The following CASZ1 variants were observed in gnomAD, a reference collection of about 807,000 sequenced individuals.
The protein encoded by CASZ1 is castor zinc finger 1.
CASZ1 carries 28 observed loss-of-function variants against 135.2 expected under a neutral mutation model. That is an observed-to-expected ratio of 0.21 (90% CI 0.15 to 0.28). The LOEUF (loss-of-function observed/expected upper bound fraction) is 0.28, where lower values mean the gene tolerates loss of function less well. Among genes scored for constraint, CASZ1 ranks in the 10% least tolerant of loss-of-function variants. CASZ1 has a pLI of 1.00. For missense variants in CASZ1, 2,161 were observed against 2,453.3 expected (o/e 0.88, Z 2.52); for synonymous variants, 1,068 against 1,073.4 (o/e 0.99, Z 0.10).
Position 10,699,992 on chromosome 1 carries a change from CAGAG to C in CASZ1, c.-24+5496_-24+5499del, listed in dbSNP as rs906148393. On this transcript the variant is annotated intron_variant, in intron 3 of 20. Coordinates refer to ENST00000377022, the MANE Select transcript of CASZ1 (RefSeq NM_001079843.3). The surrounding 1 kb of genome is among the most constrained non-coding windows in gnomAD (Gnocchi z 4.6). ...ACAGAGAGAGAGAAAGAGAGACAGG[CAGAG>C]AGAGAGAGAGAAACAGAGACAGAGA... 6.2e-5 allele frequency among the ~76,000 whole-genome samples: 9 copies of C among 146,310 alleles called. No individual in the cohort carries two copies. The South Asian group carries it at 1.5e-3, about 25-fold the overall frequency.
intron 10 of CASZ1, 57 bp from the exon 11 acceptor site, chr1:10,654,275 A>C: frequency 6.3e-7 from 1 of 1,581,428 alleles, no homozygotes; most frequent in Middle Eastern, 1.7e-4. Context: ...ACCCTGCTAC[A>C]CCATGGCCCT....
At position 10,700,944 on chromosome 1, in the gene CASZ1, G is replaced by A. The variant is rs933236493; in HGVS notation, c.-24+4548C>T. 5.3e-5 allele frequency among the ~76,000 whole-genome samples: 8 copies of A among 152,162 alleles called. No homozygotes were observed. Among genetic ancestry groups the A allele is most frequent in the Non-Finnish European group, 1.2e-4 (8 of 68,014 alleles). On this transcript the variant is annotated intron_variant, in intron 3 of 20. Coordinates refer to ENST00000377022, the MANE Select transcript of CASZ1 (RefSeq NM_001079843.3). This position sits in a 1 kb window ranked among gnomAD's most constrained non-coding sequence, Gnocchi z 4.2. ...ATAAAGCGGTTATTAAAAAGTGGGG[G>A]AAAGACGGGGGATCATATTAGCACT...
At position 10,679,365 on chromosome 1, in the gene CASZ1, C is replaced by T. The variant is rs1435815264; in HGVS notation, c.17-13794G>A. Among the ~76,000 whole-genome samples, 5 of 152,194 alleles carry T rather than the reference C, an allele frequency of 3.3e-5. No individual in the cohort carries two copies. The highest frequency in any genetic ancestry group is 4.1e-4 in the South Asian group (2 of 4,834). ...CAGCAGGCGGAAACACTCCCAACCC[C>T]GGACTTAGGCCCCTGTCAGAATAGA... On this transcript the variant is annotated intron_variant, in intron 4 of 20. Coordinates refer to ENST00000377022, the MANE Select transcript of CASZ1 (RefSeq NM_001079843.3). The surrounding 1 kb of genome is among the most constrained non-coding windows in gnomAD (Gnocchi z 4.7).
intron 4 of CASZ1, among the ~76,000 whole-genome samples, chr1:10,668,286 T>C (rs1362425669): frequency 2.0e-5 from 3 of 152,190 alleles, no homozygotes; most frequent in Admixed American, 6.5e-5. Flanking sequence ...CTCCTGTCCA[T>C]GTAAACATTC....
intron 5 of CASZ1, among the ~76,000 whole-genome samples, chr1:10,662,130 C>T (rs1279227389): frequency 6.6e-6 from 1 of 151,754 alleles, no homozygotes; most frequent in African/African-American, 2.4e-5. Flanking sequence ...CGCACACATG[C>T]ATTCGCATAC....
At chr1:10,653,315 G>A in intron 11 of CASZ1, 62 bp downstream of exon 11, 2 of 1,545,870 alleles carry the variant, frequency 1.3e-6, no homozygotes, top group Non-Finnish European at 1.8e-6. Flanking sequence ...TGCAGCCTGA[G>A]GCCAGGTGGC....
chr1:10,651,101 C>T (rs566386592), intron 11 of CASZ1, 25 bp from the exon 12 acceptor site: 58 of 1,472,570 alleles, frequency 3.9e-5, no homozygotes, highest in Middle Eastern at 2.2e-4. Flanking sequence ...TGGGAAGATG[C>T]GTCAGAGGGG....
rs778342496 is a variant in CASZ1, at chr1:10,650,751, C to T, written c.2821G>A (p.Glu941Lys). 124 of 1,613,900 alleles carry T rather than the reference C, an allele frequency of 7.7e-5. No individual in the cohort carries two copies. The highest frequency in any genetic ancestry group is 1.6e-4 in the Middle Eastern group (1 of 6,084). ...GCCGGGACTGCGTGGCCATTTGATT[C>T]GTTGCTAGAACACACAAACCAAGGG... ...LDLTVKEPSNESNGHAVPANS... is the reference protein window; with the variant it reads ...LDLTVKEPSNKSNGHAVPANS... Residue 941 changes from glutamate (E) to lysine (K), a missense_variant, in exon 13 of 21, where the codon GAA (glutamate) becomes AAA (lysine). Glu to Lys is a moderately conservative substitution (Grantham distance 56). This residue lies in a region of CASZ1 where 406 missense variants were observed against 387.6 expected (regional missense o/e 1.05). Coordinates refer to ENST00000377022, the MANE Select transcript of CASZ1 (RefSeq NM_001079843.3).
In CASZ1 at chr1:10,725,730, T is replaced by A. The variant is rs978543570; in HGVS notation, c.-76-20186A>T. Among the ~76,000 whole-genome samples the A allele has an allele frequency of 1.3e-5, 2 of 151,362 alleles. No individual in the cohort carries two copies. Among genetic ancestry groups the A allele is most frequent in the South Asian group, 2.1e-4 (1 of 4,768 alleles). On this transcript the variant is annotated intron_variant, in intron 2 of 20. Coordinates refer to ENST00000377022, the MANE Select transcript of CASZ1 (RefSeq NM_001079843.3). The surrounding 1 kb of genome is among the most constrained non-coding windows in gnomAD (Gnocchi z 4.4). ...TTCTGGAAAGCCCTTTTTTTTTTTT[T>A]ACTAGGAGACCCCAGAGAGGATGAT...
intron 1 of CASZ1, among the ~76,000 whole-genome samples, chr1:10,795,816 A>G (rs964796726): frequency 3.9e-5 from 6 of 152,064 alleles, no homozygotes; most frequent in African/African-American, 7.2e-5. Context: ...CGCTCCCCCC[A>G]TCTAAGAAAT....
At chr1:10,728,444 A>G (rs1003139976) in intron 2 of CASZ1, among the ~76,000 whole-genome samples, 1 of 152,224 alleles carries the variant, frequency 6.6e-6, no homozygotes, top group Non-Finnish European at 1.5e-5. Flanking sequence ...CCCTCCGGTC[A>G]CCAGGACAAT....
intron 1 of CASZ1, among the ~76,000 whole-genome samples, chr1:10,770,093 T>C (rs1640548366): frequency 6.6e-6 from 1 of 152,126 alleles, no homozygotes; most frequent in East Asian, 1.9e-4. Context: ...TTTCTTTTCT[T>C]TCTTTTTTTG....
intron 1 of CASZ1, among the ~76,000 whole-genome samples, chr1:10,785,919 C>T (rs1051505353): frequency 1.2e-4 from 19 of 152,234 alleles, no homozygotes; most frequent in Admixed American, 9.2e-4. Flanking sequence ...GTCCACGTGA[C>T]GGGAATTCCA....
chr1:10,646,087 GC>G lies in CASZ1; in HGVS notation c.3696+40del. ...CCCTGAGCTAGCCCTGCACCTCCCT[GC>G]CCCCTACTCTGCCCCTGCGCCGTGT... On this transcript the variant is annotated intron_variant, in intron 17 of 20. Transcript: ENST00000377022. The surrounding 1 kb of genome is among the most constrained non-coding windows in gnomAD (Gnocchi z 6.4). The G allele has an allele frequency of 6.3e-7, 1 of 1,594,830 alleles. No individual in the cohort carries two copies.
chr1:10,703,917 G>C (rs1270252700), intron 3 of CASZ1, among the ~76,000 whole-genome samples: 1 of 152,224 alleles, frequency 6.6e-6, no homozygotes, highest in Non-Finnish European at 1.5e-5. Context: ...GTGGGTCAAA[G>C]GGCTCTGCCA....
At position 10,638,803 on chromosome 1, in the gene CASZ1, C is replaced by A; in HGVS notation, c.*139G>T. ...CGGCCGCGGAGCACCAGAGGGGTCC[C>A]CGCCTCTGTCCTGAGACGGACTCGG... On this transcript the variant is annotated 3_prime_UTR_variant, in exon 21 of 21. Coordinates refer to ENST00000377022, the MANE Select transcript of CASZ1 (RefSeq NM_001079843.3). This position sits in a 1 kb window ranked among gnomAD's most constrained non-coding sequence, Gnocchi z 5.9. 1 of 867,844 alleles carries A rather than the reference C, an allele frequency of 1.2e-6. No individual in the cohort carries two copies. Among genetic ancestry groups the A allele is most frequent in the Non-Finnish European group, 1.4e-6 (1 of 723,062 alleles). The allele number at this position is 867,844 out of a possible 1,614,324, so 53.8% of individuals were successfully genotyped here. A position where few individuals can be genotyped will look rare whatever the true frequency, so the allele number is the denominator to read the frequency against.
rs1642252807 is a variant in CASZ1 at position 10,642,897 on chromosome 1, C to T, written c.4124G>A (p.Cys1375Tyr). ...CTCGTTACCCACGGGGGTGCTGGAG[C>T]AGCTCCGGTCCATGGTGGATGACTC... ...SSESSTMDRS[C>Y]SSTPVGNEST... The change falls in exon 20 of 21, where the codon TGC becomes TAC. Residue 1375 changes from cysteine to tyrosine, a missense_variant. Coordinates refer to ENST00000377022, the MANE Select transcript of CASZ1 (RefSeq NM_001079843.3). 2 of 1,612,904 alleles carry T rather than the reference C, an allele frequency of 1.2e-6. No individual in the cohort carries two copies. Among genetic ancestry groups the T allele is most frequent in the African/African-American group, 1.3e-5 (1 of 74,948 alleles).
chr1:10,749,293 G>A (rs372666215), intron 2 of CASZ1, among the ~76,000 whole-genome samples: 1 of 151,656 alleles, frequency 6.6e-6, no homozygotes, highest in Non-Finnish European at 1.5e-5. Context: ...TGTCGCCCAG[G>A]CTGGAGTGCA....
In CASZ1 at chr1:10,636,908, ATTAT is replaced by A. The variant is rs1465298506; in HGVS notation, c.*2030_*2033del. 6.6e-6 allele frequency: 1 copy of A among 152,074 alleles called. No homozygotes were observed. The highest frequency in any genetic ancestry group is 1.5e-5 in the Non-Finnish European group (1 of 67,972). 9.4% of individuals were successfully genotyped at this position (152,074 alleles called of 1,614,324 possible). ...TATACACACACATATGTGCATACATATTATTTGATATTTATATATATACACATAC... is the reference window on the plus strand; with the variant it reads ...TATACACACACATATGTGCATACATATTGATATTTATATATATACACATAC... On this transcript the variant is annotated 3_prime_UTR_variant, in exon 21 of 21. Transcript: ENST00000377022.
Sources: allele counts gnomAD v4.1 joint callset (sites outside exome capture counted in the v4.1 genomes callset), GRCh38; gene constraint gnomAD v4.1.1; regional missense constraint gnomAD v4.1.1; non-coding constraint Gnocchi (gnomAD v3.1); transcripts MANE v1.5; gene names NCBI Gene and HGNC (gene_info 2026-07-23, HGNC 2026-07-21).